Variants in MYT1L observed in about 807,000 individuals in gnomAD.
The protein encoded by MYT1L is myelin transcription factor 1-like protein.
Under a neutral mutation model 126.7 loss-of-function variants are expected in MYT1L, and 12 were observed. The observed-to-expected ratio is 0.09, with a 90% CI of 0.06 to 0.15. The LOEUF is 0.15. MYT1L is among the 10% of genes least tolerant of loss of function. The pLI is 1.00. For missense variants in MYT1L, 979 were observed against 1,585.2 expected (o/e 0.62, Z 6.49); for synonymous variants, 541 against 604.2 (o/e 0.90, Z 1.53).
intron 4 of MYT1L, among the ~76,000 whole-genome samples, chr2:2,013,480 C>T (rs2064042168): frequency 6.6e-6 from 1 of 152,228 alleles, no homozygotes; most frequent in South Asian, 2.1e-4. Flanking sequence ...AACCCAAACT[C>T]ATTGCCCGTG....
intron 4 of MYT1L, among the ~76,000 whole-genome samples, chr2:2,052,029 T>C (rs972077592): frequency 3.3e-5 from 5 of 152,316 alleles, no homozygotes; most frequent in African/African-American, 1.2e-4. Flanking sequence ...AATTTCATAC[T>C]TTCTGATTTG....
At chr2:1,921,964 C>T (rs1463775761) in intron 10 of MYT1L, among the ~76,000 whole-genome samples, 1 of 152,210 alleles carries the variant, frequency 6.6e-6, no homozygotes, top group Non-Finnish European at 1.5e-5. Flanking sequence ...TATAATAGCA[C>T]AGGCTTACCC....
chr2:2,195,618 A>G (rs1454715702), intron 2 of MYT1L, among the ~76,000 whole-genome samples: 2 of 152,226 alleles, frequency 1.3e-5, no homozygotes, highest in East Asian at 1.9e-4. Flanking sequence ...AAACAAATAC[A>G]TTGAGACTCA....
chr2:1,959,569 C>T (rs2058789742), intron 8 of MYT1L, among the ~76,000 whole-genome samples: 1 of 152,198 alleles, frequency 6.6e-6, no homozygotes, highest in African/African-American at 2.4e-5. Flanking sequence ...TCCCACACAC[C>T]TCCTCCCAGT....
intron 14 of MYT1L, among the ~76,000 whole-genome samples, chr2:1,895,703 T>G (rs965077295): frequency 6.6e-6 from 1 of 152,218 alleles, no homozygotes; most frequent in Admixed American, 6.5e-5. Flanking sequence ...GGATTAAAGA[T>G]GTAAATGTAA....
chr2:1,894,197 C>T (rs931307435), intron 14 of MYT1L, among the ~76,000 whole-genome samples: 2 of 152,236 alleles, frequency 1.3e-5, no homozygotes, highest in East Asian at 1.9e-4. Flanking sequence ...TCTGAGTGTC[C>T]CTCAGTGTGC....
chr2:1,929,720 T>C lies in MYT1L; in HGVS notation c.506-6457A>G, dbSNP rs966091580. ...CAGACATTTTCTCCAGTGCCGGCCA[T>C]TGCCATTTTCTTTGAATTTTAGTGC... On this transcript the variant is annotated intron_variant, in intron 9 of 24. Coordinates refer to ENST00000647738, the MANE Select transcript of MYT1L (RefSeq NM_001303052.2). This position sits in a 1 kb window ranked among gnomAD's most constrained non-coding sequence, Gnocchi z 4.7. Among the ~76,000 whole-genome samples, 1 of 152,248 alleles carries C rather than the reference T, an allele frequency of 6.6e-6. No individual in the cohort carries two copies. Among genetic ancestry groups the C allele is most frequent in the Non-Finnish European group, 1.5e-5 (1 of 68,046 alleles).
intron 23 of MYT1L, among the ~76,000 whole-genome samples, chr2:1,792,871 C>A (rs867768967): frequency 8.4e-4 from 64 of 76,282 alleles, no homozygotes; most frequent in Admixed American, 1.1e-3. Context: ...TTCCGTCTCA[C>A]AAAAAAAAAA....
intron 3 of MYT1L, among the ~76,000 whole-genome samples, chr2:2,159,520 G>A (rs1040346254): frequency 3.3e-5 from 5 of 152,062 alleles, no homozygotes; most frequent in Admixed American, 2.6e-4. Context: ...ACGCTGGGGA[G>A]CACCTCGCTG....
intron 9 of MYT1L, among the ~76,000 whole-genome samples, chr2:1,927,709 C>A (rs2054419645): frequency 6.6e-6 from 1 of 152,172 alleles, no homozygotes; most frequent in Non-Finnish European, 1.5e-5. Context: ...CCCTAGACTT[C>A]CCCGGGTCGG....
At chr2:1,826,289 C>G (rs12991345) in intron 21 of MYT1L, among the ~76,000 whole-genome samples, 11,148 of 152,276 alleles carry the variant, frequency 0.073, 456 homozygotes, top group South Asian at 0.12. Flanking sequence ...CGGCTTCCTG[C>G]GCTGGCGCAG....
At chr2:2,075,584 C>G (rs951435021) in intron 3 of MYT1L, among the ~76,000 whole-genome samples, 17 of 152,166 alleles carry the variant, frequency 1.1e-4, no homozygotes, top group African/African-American at 4.1e-4. Context: ...CTGTGAGTTT[C>G]AAACTGTAAG....
At chr2:2,199,587 G>A (rs1487541369) in intron 2 of MYT1L, among the ~76,000 whole-genome samples, 1 of 152,194 alleles carries the variant, frequency 6.6e-6, no homozygotes, top group Non-Finnish European at 1.5e-5. Flanking sequence ...TGGCTCACAG[G>A]ACTTGAGTGA....
chr2:1,915,829 T>C (rs2052740602), intron 11 of MYT1L, among the ~76,000 whole-genome samples: 1 of 152,216 alleles, frequency 6.6e-6, no homozygotes, highest in African/African-American at 2.4e-5. Context: ...TTGCCAGGCA[T>C]TGGCTAACCT....
intron 20 of MYT1L, 118 bp from the exon 21 acceptor site, chr2:1,839,488 T>A: frequency 9.1e-6 from 8 of 879,366 alleles, no homozygotes; most frequent in Non-Finnish European, 1.4e-5. Context: ...CCCTCCTGGC[T>A]GGGCAAAAGG....
intron 3 of MYT1L, among the ~76,000 whole-genome samples, chr2:2,105,351 T>G (rs553117692): frequency 1.3e-5 from 2 of 152,326 alleles, no homozygotes; most frequent in African/African-American, 4.8e-5. Context: ...GCAACTGCCA[T>G]GACTGCATTA....
chr2:1,895,343 T>C (rs2148900513), intron 14 of MYT1L, among the ~76,000 whole-genome samples: 1 of 152,154 alleles, frequency 6.6e-6, no homozygotes, highest in Admixed American at 6.5e-5. Flanking sequence ...CTTTACAGAG[T>C]TAGAAAAACA....
In MYT1L at chr2:1,994,721, T is replaced by C. The variant is rs116408515; in HGVS notation, c.-1+2470A>G. 4.6e-3 allele frequency among the ~76,000 whole-genome samples: 700 copies of C among 152,356 alleles called. 7 individuals are homozygous for C. The highest frequency in any genetic ancestry group is 0.016 in the African/African-American group (671 of 41,582). On this transcript the variant is annotated intron_variant, in intron 5 of 24. Coordinates refer to ENST00000647738, the MANE Select transcript of MYT1L (RefSeq NM_001303052.2). ...GTTTATATTCAGCATTTTCTATCTT[T>C]ACTTCTCCCTAATTCAGATTTTAGT...
intron 21 of MYT1L, among the ~76,000 whole-genome samples, chr2:1,813,308 T>C (rs2037000450): frequency 7.1e-6 from 1 of 140,738 alleles, no homozygotes; most frequent in Admixed American, 7.2e-5. Flanking sequence ...TCTGTGCTTC[T>C]TTCTCCCTCA....
Sources: allele counts gnomAD v4.1 joint callset (sites outside exome capture counted in the v4.1 genomes callset), GRCh38; gene constraint gnomAD v4.1.1; non-coding constraint Gnocchi (gnomAD v3.1); transcripts MANE v1.5; gene names NCBI Gene and HGNC (gene_info 2026-07-23, HGNC 2026-07-21).